KIAA1755: variants seen among roughly 807,000 people sequenced by gnomAD.
The protein encoded by KIAA1755 is KIAA1755.
A neutral mutation model predicts 91.7 loss-of-function variants in KIAA1755; 68 were observed. That is an observed-to-expected ratio of 0.74 (90% confidence interval 0.61 to 0.91). KIAA1755 has a LOEUF of 0.91. KIAA1755 is among the 40% of genes least tolerant of loss of function. The pLI is 0.00. For missense variants in KIAA1755, 1,535 were observed against 1,494.4 expected (o/e 1.03, Z -0.45); for synonymous variants, 610 against 604.6 (o/e 1.01, Z -0.13).
intron 5 of KIAA1755, 127 bp downstream of exon 5, chr20:38,231,075 G>T: frequency 1.9e-6 from 2 of 1,037,614 alleles, no homozygotes; most frequent in Non-Finnish European, 1.4e-6. Context: ...TCTGTCTGGG[G>T]ACTGGCTCTG....
chr20:38,220,756 G>A (rs1165230092), intron 10 of KIAA1755, among the ~76,000 whole-genome samples: 2 of 152,224 alleles, frequency 1.3e-5, no homozygotes, highest in Non-Finnish European at 2.9e-5. Flanking sequence ...TTGCAATGGT[G>A]GGAAGTAGCT....
At chr20:38,260,113 C>T in intron 1 of KIAA1755, 1 of 1,052,020 alleles carries the variant, frequency 9.5e-7, no homozygotes. Flanking sequence ...CACCACTCTT[C>T]CCCATCCAAA....
chr20:38,255,033 C>A lies in KIAA1755; in HGVS notation c.3+5465G>T, dbSNP rs1359624251. On this transcript the variant is annotated intron_variant, in intron 1 of 13. Transcript: ENST00000279024. ...CTCTACTAAAAATACAAAAACTAGC[C>A]GGGTGTGGTGGCGGGTGCTGAAAAT... Among the ~76,000 whole-genome samples, 3 of 151,936 alleles carry A rather than the reference C, an allele frequency of 2.0e-5. No individual in the cohort carries two copies. The East Asian group carries it at 5.8e-4, about 29-fold the overall frequency.
chr20:38,218,395 G>A, intron 11 of KIAA1755, 29 bp from the exon 12 acceptor site: 13 of 1,612,802 alleles, frequency 8.1e-6, no homozygotes, highest in Non-Finnish European at 1.1e-5. Flanking sequence ...ATTTGGACAT[G>A]AGGGGCTGCT....
intron 5 of KIAA1755, among the ~76,000 whole-genome samples, chr20:38,230,037 G>A (rs1451527734): frequency 1.3e-5 from 2 of 152,194 alleles, no homozygotes; most frequent in Non-Finnish European, 2.9e-5. Context: ...ACCCCCAACA[G>A]CAGACCTCTA....
chr20:38,211,895 C>A lies in KIAA1755; in HGVS notation c.*1147G>T, dbSNP rs186753121. 1 of 152,198 alleles carries A rather than the reference C, an allele frequency of 6.6e-6. No individual in the cohort carries two copies. Among genetic ancestry groups the A allele is most frequent in the African/African-American group, 2.4e-5 (1 of 41,430 alleles). 9.4% of individuals were successfully genotyped at this position (152,198 alleles called of 1,614,324 possible). A position where few individuals can be genotyped will look rare whatever the true frequency, so the allele number is the denominator to read the frequency against. On this transcript the variant is annotated 3_prime_UTR_variant, in exon 14 of 14. Coordinates refer to ENST00000279024, the MANE Select transcript of KIAA1755 (RefSeq NM_001029864.2). The stretch of plus-strand genomic sequence containing the variant: ...TGGAGCTGGCTGTGCGTGCTGTCTA[C>A]GAGTGCCAGCTCCTGAGGGTTGGCA...
intron 5 of KIAA1755, among the ~76,000 whole-genome samples, chr20:38,228,637 G>A (rs1208881967): frequency 6.6e-6 from 1 of 152,164 alleles, no homozygotes; most frequent in Admixed American, 6.5e-5. Context: ...GATTGGTTGA[G>A]GCCAACAGTA....
intron 2 of KIAA1755, among the ~76,000 whole-genome samples, chr20:38,243,776 C>T (rs1204402845): frequency 6.6e-6 from 1 of 152,206 alleles, no homozygotes; most frequent in Non-Finnish European, 1.5e-5. Flanking sequence ...CTGCCATGCT[C>T]TTATTTCAGA....
At position 38,239,826 on chromosome 20, in the gene KIAA1755, A is replaced by G. The variant is rs919276302; in HGVS notation, c.1550-101T>C. 4.6e-6 allele frequency: 5 copies of G among 1,088,550 alleles called. No homozygotes were observed. In the African/African-American group the frequency reaches 6.2e-5, roughly 14 times the overall value. 67.4% of individuals were successfully genotyped at this position (1,088,550 alleles called of 1,614,324 possible). On this transcript the variant is annotated intron_variant, in intron 3 of 13. Transcript: ENST00000279024. ...CTCTTTCTGACTAATAATAGCTTAC[A>G]ACTATTGATCTCTCCCATGTGCCAG...
At chr20:38,247,860 G>A (rs1215994116) in intron 1 of KIAA1755, among the ~76,000 whole-genome samples, 1 of 152,192 alleles carries the variant, frequency 6.6e-6, no homozygotes, top group Admixed American at 6.5e-5. Flanking sequence ...AAGCTGAGGT[G>A]GGAGGATCGC....
chr20:38,213,782 G>GGAAGTGGGACCATGGAGGGGA (rs2075496578), intron 13 of KIAA1755, 39 bp from the exon 14 acceptor site: 1 of 1,376,884 alleles, frequency 7.3e-7, no homozygotes, highest in East Asian at 2.5e-5. Flanking sequence ...GGCTCAGGCT[G>GGAAGTGGGACCATGGAGGGGA]GAAGTGGGAC....
chr20:38,254,447 ATATC>A (rs2076304482), intron 1 of KIAA1755, among the ~76,000 whole-genome samples: 1 of 152,072 alleles, frequency 6.6e-6, no homozygotes, highest in South Asian at 2.1e-4. Flanking sequence ...GGCACTAAGC[ATATC>A]TATCTCCAAG....
chr20:38,254,783 C>CAAAAAAA (rs773273813), intron 1 of KIAA1755, among the ~76,000 whole-genome samples: 1 of 136,084 alleles, frequency 7.3e-6, no homozygotes. Flanking sequence ...TCCCCAACTC[C>CAAAAAAA]AAAAAAAAAA....
intron 2 of KIAA1755, 135 bp from the exon 3 acceptor site, chr20:38,242,064 A>G (rs1051256089): frequency 1.7e-5 from 15 of 868,748 alleles, no homozygotes; most frequent in African/African-American, 6.8e-5. Flanking sequence ...GGAGGCACTC[A>G]CTGTCAAGGT....
At chr20:38,231,443 C>T in intron 4 of KIAA1755, 118 bp from the exon 5 acceptor site, 1 of 1,132,362 alleles carries the variant, frequency 8.8e-7, no homozygotes, top group Non-Finnish European at 1.2e-6. Flanking sequence ...CACCCTTTCT[C>T]TCCTTCTCCT....
In KIAA1755 at chr20:38,231,271, G is replaced by A. The variant is rs768618630; in HGVS notation, c.1802C>T (p.Ala601Val). The A allele has an allele frequency of 5.0e-6, 8 of 1,612,676 alleles. No homozygotes were observed. In the South Asian group the frequency reaches 7.7e-5, roughly 16 times the overall value. The part of the protein sequence containing the change: ...PLLLVSTTEG[A>V]WEAPWCTVSE... The stretch of plus-strand genomic sequence containing the variant: ...AACTGTGCACCATGGTGCCTCCCAG[G>A]CCCCCTCTGTAGTTGACACCAGAAG... The change falls in exon 5 of 14, where the codon GCC (alanine) becomes GTC (valine). Residue 601 changes from alanine to valine, a missense_variant. By Grantham distance (64) the Ala-to-Val change is moderately conservative (BLOSUM62 0). Transcript: ENST00000279024.
In KIAA1755 at chr20:38,222,503, G is replaced by T. The variant is rs984062968; in HGVS notation, c.2363C>A (p.Thr788Asn). 1.2e-6 allele frequency: 2 copies of T among 1,613,710 alleles called. No individual in the cohort carries two copies. The highest frequency in any genetic ancestry group is 3.3e-5 in the Admixed American group (2 of 60,000). The change falls in exon 10 of 14, where the codon ACC becomes AAC. Residue 788 changes from threonine (T) to asparagine (N), a missense_variant. Thr to Asn is a moderately conservative substitution (Grantham distance 65, BLOSUM62 0). Transcript: ENST00000279024. ...LLGLQREGGA[T>N]LARLQHDASR... ...GGCATCATGCTGCAGCCTGGCCAGG[G>T]TGGCTCCACCTTCCCGCTGGAGGCC...
At chr20:38,256,170 C>T (rs2123349819) in intron 1 of KIAA1755, among the ~76,000 whole-genome samples, 1 of 152,296 alleles carries the variant, frequency 6.6e-6, no homozygotes, top group South Asian at 2.1e-4. Flanking sequence ...CCCCGGGCTC[C>T]CTGCTACCAC....
chr20:38,247,039 C>G (rs368625103), intron 1 of KIAA1755, among the ~76,000 whole-genome samples: 2 of 152,142 alleles, frequency 1.3e-5, no homozygotes, highest in Non-Finnish European at 2.9e-5. Context: ...GTCAGCCCGT[C>G]CCCCTGGCAG....
Sources: allele counts gnomAD v4.1 joint callset (sites outside exome capture counted in the v4.1 genomes callset), GRCh38; gene constraint gnomAD v4.1.1; transcripts MANE v1.5; gene names NCBI Gene and HGNC (gene_info 2026-07-23, HGNC 2026-07-21).